Variants in ADAMTSL1 observed in about 807,000 individuals in gnomAD.
ADAMTSL1 encodes ADAMTS-like protein 1.
Under a neutral mutation model 201.8 loss-of-function variants are expected in ADAMTSL1, and 126 were observed. The ratio of observed to expected loss-of-function variants is 0.62; its 90% CI spans 0.54 to 0.72. ADAMTSL1 has a LOEUF of 0.72. ADAMTSL1 is among the 30% of genes least tolerant of loss of function. The pLI is 0.00. For synonymous variants in ADAMTSL1, 1,121 were observed against 903.4 expected (o/e 1.24, Z -4.32); for missense variants, 2,679 against 2,277.8 (o/e 1.18, Z -3.59).
chr9:18,381,883 A>T (rs1194823187), intron 2 of ADAMTSL1, among the ~76,000 whole-genome samples: 1 of 152,118 alleles, frequency 6.6e-6, no homozygotes, highest in Non-Finnish European at 1.5e-5. Flanking sequence ...TGAAAGAAAA[A>T]CATCAATGTT....
chr9:18,907,049 G>C (rs1469167408), intron 28 of ADAMTSL1, 137 bp downstream of exon 28: 1 of 867,636 alleles, frequency 1.2e-6, no homozygotes, highest in Non-Finnish European at 1.7e-6. Flanking sequence ...GTGGAGTTGA[G>C]CATTTCAGTG....
At chr9:18,740,782 G>A (rs1364998885) in intron 15 of ADAMTSL1, among the ~76,000 whole-genome samples, 1 of 152,028 alleles carries the variant, frequency 6.6e-6, no homozygotes, top group African/African-American at 2.4e-5. Flanking sequence ...CGGCCTCAAT[G>A]TTCTTTCTAG....
intron 12 of ADAMTSL1, among the ~76,000 whole-genome samples, chr9:18,682,311 G>A (rs1248540256): frequency 6.6e-6 from 1 of 152,136 alleles, no homozygotes; most frequent in Non-Finnish European, 1.5e-5. Flanking sequence ...TTAAAAACAA[G>A]GGAGTGAATC....
intron 2 of ADAMTSL1, among the ~76,000 whole-genome samples, chr9:18,447,146 T>C (rs1246302867): frequency 6.6e-6 from 1 of 152,140 alleles, no homozygotes; most frequent in African/African-American, 2.4e-5. Context: ...TCAAAATAAA[T>C]ATTCAGCTGG....
chr9:17,966,615 T>C (rs1284969404), intron 1 of ADAMTSL1, among the ~76,000 whole-genome samples: 1 of 152,140 alleles, frequency 6.6e-6, no homozygotes, highest in Non-Finnish European at 1.5e-5. Context: ...TAAAAACATG[T>C]CTAGTTTTCT....
intron 26 of ADAMTSL1, 158 bp from the exon 27 acceptor site, chr9:18,905,620 CAGTG>C (rs1830259951): frequency 2.0e-5 from 12 of 593,878 alleles, no homozygotes; most frequent in Non-Finnish European, 3.6e-5. Flanking sequence ...GAAAACGTAT[CAGTG>C]AGTGTCTTTT....
In ADAMTSL1 at chr9:18,722,952, G is replaced by C; in HGVS notation, c.2006+1287G>C. 2.3e-5 allele frequency: 17 copies of C among 748,934 alleles called. 1 individual carries two copies. The South Asian group carries it at 2.4e-4, about 11-fold the overall frequency. The allele number at this position is 748,934 out of a possible 1,614,324, so 46.4% of individuals were successfully genotyped here. A position where few individuals can be genotyped will look rare whatever the true frequency, so the allele number is the denominator to read the frequency against. On this transcript the variant is annotated intron_variant, in intron 15 of 28. Coordinates refer to ENST00000380548, the MANE Select transcript of ADAMTSL1 (RefSeq NM_001040272.6). ...CTAACTTCGCAGCTCTCTAGTTGTTGAGCCTAAATGTGTGGGCAAAGGGCA... is the reference window on the plus strand; with the variant it reads ...CTAACTTCGCAGCTCTCTAGTTGTTCAGCCTAAATGTGTGGGCAAAGGGCA...
chr9:17,956,805 A>G (rs548671057), intron 1 of ADAMTSL1, among the ~76,000 whole-genome samples: 2 of 152,320 alleles, frequency 1.3e-5, no homozygotes, highest in South Asian at 4.1e-4. Flanking sequence ...TGTTAATAGC[A>G]ATTGTCTCTG....
At chr9:18,875,181 T>A (rs1828075647) in intron 23 of ADAMTSL1, among the ~76,000 whole-genome samples, 1 of 152,176 alleles carries the variant, frequency 6.6e-6, no homozygotes, top group Non-Finnish European at 1.5e-5. Context: ...TAATGGTCTA[T>A]CAGTTTTGTT....
intron 1 of ADAMTSL1, among the ~76,000 whole-genome samples, chr9:17,975,740 G>A (rs1818421846): frequency 6.6e-6 from 1 of 151,978 alleles, no homozygotes; most frequent in South Asian, 2.1e-4. Context: ...ATACCCACTT[G>A]TTTATTTTTG....
At chr9:18,315,952 T>C (rs1834375236) in intron 2 of ADAMTSL1, among the ~76,000 whole-genome samples, 1 of 152,222 alleles carries the variant, frequency 6.6e-6, no homozygotes, top group Non-Finnish European at 1.5e-5. Flanking sequence ...GGTTCTTTTC[T>C]ATTTTCCCTA....
intron 15 of ADAMTSL1, among the ~76,000 whole-genome samples, chr9:18,740,571 G>C (rs565293671): frequency 7.1e-6 from 1 of 140,248 alleles, no homozygotes; most frequent in Non-Finnish European, 1.5e-5. Context: ...CCACCTCCCC[G>C]GTTCCAGCGA....
At chr9:18,688,571 G>A (rs933554623) in intron 13 of ADAMTSL1, among the ~76,000 whole-genome samples, 8 of 146,182 alleles carry the variant, frequency 5.5e-5, no homozygotes, top group Non-Finnish European at 7.5e-5. Context: ...AGGAGTCTGC[G>A]GCTGGAGGGT....
intron 1 of ADAMTSL1, among the ~76,000 whole-genome samples, chr9:17,987,262 T>C (rs1361567113): frequency 3.9e-5 from 6 of 152,074 alleles, no homozygotes; most frequent in Non-Finnish European, 7.4e-5. Flanking sequence ...CTTGTTTCCT[T>C]GTCCTGATGG....
chr9:18,896,179 A>T (rs1829625132), intron 26 of ADAMTSL1, among the ~76,000 whole-genome samples: 1 of 152,226 alleles, frequency 6.6e-6, no homozygotes. Flanking sequence ...AATGGCCAAA[A>T]ACTTTCCAAA....
intron 2 of ADAMTSL1, among the ~76,000 whole-genome samples, chr9:18,181,205 C>G (rs1828458197): frequency 6.6e-6 from 1 of 152,196 alleles, no homozygotes; most frequent in Non-Finnish European, 1.5e-5. Context: ...CTAGGCAACA[C>G]CATTCAGGAC....
At chr9:17,967,694 T>C (rs779928719) in intron 1 of ADAMTSL1, among the ~76,000 whole-genome samples, 25 of 152,132 alleles carry the variant, frequency 1.6e-4, no homozygotes, top group Non-Finnish European at 2.8e-4. Context: ...TTTTCTTCCT[T>C]TATAGATTTC....
intron 1 of ADAMTSL1, among the ~76,000 whole-genome samples, chr9:18,031,759 T>G (rs1820966138): frequency 6.6e-6 from 1 of 152,154 alleles, no homozygotes; most frequent in Non-Finnish European, 1.5e-5. Context: ...TCCCCTCCTT[T>G]AGGGGTGGCC....
chr9:18,045,153 C>T (rs972830875), intron 1 of ADAMTSL1, among the ~76,000 whole-genome samples: 1 of 152,092 alleles, frequency 6.6e-6, no homozygotes, highest in Non-Finnish European at 1.5e-5. Flanking sequence ...TAGAAGGACA[C>T]TAACGTATAT....
Sources: allele counts gnomAD v4.1 joint callset (sites outside exome capture counted in the v4.1 genomes callset), GRCh38; gene constraint gnomAD v4.1.1; transcripts MANE v1.5; gene names NCBI Gene and HGNC (gene_info 2026-07-23, HGNC 2026-07-21).